ACVR1: variants seen among roughly 807,000 people sequenced by gnomAD.
The protein encoded by ACVR1 is activin A receptor type 1.
A neutral mutation model predicts 57.1 loss-of-function variants in ACVR1; 38 were observed. That is an observed-to-expected ratio of 0.67 (90% confidence interval 0.51 to 0.87). ACVR1 has a LOEUF of 0.87. Ranked by LOEUF, ACVR1 falls within the 40% of genes least tolerant of loss-of-function variation. The pLI, the probability that ACVR1 is intolerant of heterozygous loss-of-function variation, is 0.00. For synonymous variants in ACVR1, 212 were observed against 228.1 expected (o/e 0.93, Z 0.63); for missense variants, 463 against 638.2 (o/e 0.73, Z 2.96).
intron 3 of ACVR1, among the ~76,000 whole-genome samples, chr2:157,784,837 C>T (rs1464583222): frequency 4.6e-5 from 7 of 152,202 alleles, no homozygotes; most frequent in Admixed American, 2.6e-4. Context: ...AGTCTAATGC[C>T]GGACTAGCAG....
chr2:157,813,184 T>C (rs1189106142), intron 2 of ACVR1, among the ~76,000 whole-genome samples: 6 of 149,870 alleles, frequency 4.0e-5, no homozygotes, highest in Non-Finnish European at 5.9e-5. Flanking sequence ...ACTTACCCCA[T>C]GAAAAAGAAA....
At chr2:157,805,846 C>T (rs1461700184) in intron 2 of ACVR1, among the ~76,000 whole-genome samples, 8 of 116,854 alleles carry the variant, frequency 6.8e-5, no homozygotes, top group Non-Finnish European at 1.3e-4. Context: ...TTTTTTGAGA[C>T]GAGGTCTTGC....
At chr2:157,819,057 G>T (rs1219839943) in intron 1 of ACVR1, among the ~76,000 whole-genome samples, 1 of 116,704 alleles carries the variant, frequency 8.6e-6, no homozygotes, top group Non-Finnish European at 1.7e-5. Context: ...CAGCCTGGGT[G>T]ACAGAGCGAG....
intron 9 of ACVR1, among the ~76,000 whole-genome samples, chr2:157,743,321 C>A (rs1168519777): frequency 6.6e-6 from 1 of 152,112 alleles, no homozygotes; most frequent in African/African-American, 2.4e-5. Flanking sequence ...TGCCCTCACC[C>A]CCATACTCAG....
intron 3 of ACVR1, among the ~76,000 whole-genome samples, chr2:157,791,152 T>C (rs1686896152): frequency 6.6e-6 from 1 of 152,240 alleles, no homozygotes; most frequent in Admixed American, 6.5e-5. Context: ...CCTCATGCTA[T>C]GCTGTGACCT....
At chr2:157,797,748 G>A (rs1038993580) in intron 3 of ACVR1, among the ~76,000 whole-genome samples, 3 of 152,210 alleles carry the variant, frequency 2.0e-5, no homozygotes, top group Non-Finnish European at 4.4e-5. Context: ...GCACTGAAAT[G>A]CCTGGGTGGT....
At chr2:157,818,012 A>AC (rs1305880020) in intron 2 of ACVR1, among the ~76,000 whole-genome samples, 1 of 151,720 alleles carries the variant, frequency 6.6e-6, no homozygotes, top group Admixed American at 6.6e-5. Context: ...AAAAAAAAAA[A>AC]AAACAAAAGA....
At chr2:157,840,384 G>T (rs1688936727) in intron 1 of ACVR1, among the ~76,000 whole-genome samples, 1 of 152,174 alleles carries the variant, frequency 6.6e-6, no homozygotes, top group Admixed American at 6.5e-5. Context: ...AGAGCATCCA[G>T]GAATCAACAT....
chr2:157,800,793 C>G (rs1408767009), intron 2 of ACVR1, among the ~76,000 whole-genome samples: 2 of 151,946 alleles, frequency 1.3e-5, no homozygotes, highest in Non-Finnish European at 2.9e-5. Flanking sequence ...TCATCTTGGC[C>G]CCTCACAACC....
At chr2:157,870,184 G>C (rs1334488687) in intron 1 of ACVR1, among the ~76,000 whole-genome samples, 1 of 152,030 alleles carries the variant, frequency 6.6e-6, no homozygotes, top group Non-Finnish European at 1.5e-5. Flanking sequence ...AAACTCTCAA[G>C]TATCGTCCCA....
intron 9 of ACVR1, among the ~76,000 whole-genome samples, chr2:157,754,522 T>C (rs1003370409): frequency 2.0e-5 from 3 of 152,082 alleles, no homozygotes; most frequent in African/African-American, 7.2e-5. Context: ...ATAGATAAAT[T>C]CCTGGAAATA....
chr2:157,827,487 G>A (rs1688427527), intron 1 of ACVR1, among the ~76,000 whole-genome samples: 1 of 152,144 alleles, frequency 6.6e-6, no homozygotes, highest in African/African-American at 2.4e-5. Flanking sequence ...TTGTATAAGT[G>A]TTTGCCAGTC....
chr2:157,776,661 A>G (rs1686300336), intron 5 of ACVR1, among the ~76,000 whole-genome samples: 1 of 152,176 alleles, frequency 6.6e-6, no homozygotes, highest in Non-Finnish European at 1.5e-5. Context: ...TTCCCAGCCC[A>G]TATCAGGCAC....
intron 1 of ACVR1, among the ~76,000 whole-genome samples, chr2:157,849,923 T>A (rs961985529): frequency 1.3e-5 from 2 of 152,230 alleles, no homozygotes; most frequent in Admixed American, 6.5e-5. Flanking sequence ...CATTTCTATG[T>A]TGACTGTGGC....
At chr2:157,806,372 A>G (rs916471881) in intron 2 of ACVR1, among the ~76,000 whole-genome samples, 1 of 152,114 alleles carries the variant, frequency 6.6e-6, no homozygotes, top group Non-Finnish European at 1.5e-5. Context: ...ATAGTGCATC[A>G]GTGGTTTCTA....
At chr2:157,858,030 G>A (rs534923698) in intron 1 of ACVR1, among the ~76,000 whole-genome samples, 1 of 150,682 alleles carries the variant, frequency 6.6e-6, no homozygotes, top group Admixed American at 6.6e-5. Flanking sequence ...TTTTTCGTCA[G>A]TAAAAACTTA....
At chr2:157,853,517 G>C (rs914786545) in intron 1 of ACVR1, among the ~76,000 whole-genome samples, 3 of 152,064 alleles carry the variant, frequency 2.0e-5, no homozygotes, top group African/African-American at 7.2e-5. Flanking sequence ...CACATCAATT[G>C]GGAAGGACAA....
intron 9 of ACVR1, among the ~76,000 whole-genome samples, chr2:157,750,294 G>A (rs536228702): frequency 8.5e-5 from 13 of 152,326 alleles, no homozygotes; most frequent in Admixed American, 7.2e-4. Context: ...CAAGATGCCT[G>A]GAGACACAAG....
chr2:157,746,714 T>C (rs1476100715), intron 9 of ACVR1, among the ~76,000 whole-genome samples: 1 of 152,274 alleles, frequency 6.6e-6, no homozygotes, highest in Non-Finnish European at 1.5e-5. Context: ...TCTAGGTGAC[T>C]GTGATGCACA....
Sources: allele counts gnomAD v4.1 joint callset (sites outside exome capture counted in the v4.1 genomes callset), GRCh38; gene constraint gnomAD v4.1.1; transcripts MANE v1.5; gene names NCBI Gene and HGNC (gene_info 2026-07-23, HGNC 2026-07-21).